Variants in DDX6 observed in about 807,000 individuals in gnomAD.
DDX6 encodes DEAD-box helicase 6.
In DDX6, 7 loss-of-function variants were observed where a neutral mutation model predicts 60.6. The ratio of observed to expected loss-of-function variants is 0.12; its 90% CI spans 0.07 to 0.22. The LOEUF (loss-of-function observed/expected upper bound fraction) is 0.22, where lower values mean the gene tolerates loss of function less well. Ranked by LOEUF, DDX6 falls within the 10% of genes least tolerant of loss-of-function variation. The probability of loss-of-function intolerance (pLI) is 1.00; values close to 1 mark genes in which losing one functional copy is unlikely to be tolerated. For missense variants in DDX6, 270 were observed against 589.9 expected (o/e 0.46, Z 5.62); for synonymous variants, 207 against 201.0 (o/e 1.03, Z -0.25).
chr11:118,789,360 G>A (rs751202346), intron 1 of DDX6: 1 of 152,060 alleles, frequency 6.6e-6, no homozygotes, highest in African/African-American at 2.4e-5. Context: ...TTACAGGTGT[G>A]AGCCACCGCT....
intron 2 of DDX6, 149 bp from the exon 3 acceptor site, chr11:118,781,333 G>A: frequency 1.7e-6 from 1 of 578,252 alleles, no homozygotes; most frequent in Non-Finnish European, 3.0e-6. Flanking sequence ...AACAACTTTA[G>A]AAAAAGTGTT....
chr11:118,754,212 T>C (rs144879537), intron 13 of DDX6, among the ~76,000 whole-genome samples: 3 of 152,354 alleles, frequency 2.0e-5, no homozygotes, highest in African/African-American at 7.2e-5. Context: ...GGAGGACTGC[T>C]GGAGTTCAGG....
chr11:118,770,522 C>T (rs1861501712), intron 4 of DDX6, among the ~76,000 whole-genome samples: 1 of 152,154 alleles, frequency 6.6e-6, no homozygotes, highest in African/African-American at 2.4e-5. Context: ...ACTCTTTCTA[C>T]CTAGAGCTCC....
At chr11:118,790,654 C>G (rs1862241641) in intron 1 of DDX6, among the ~76,000 whole-genome samples, 1 of 152,162 alleles carries the variant, frequency 6.6e-6, no homozygotes, top group South Asian at 2.1e-4. Context: ...AGTACTTAGC[C>G]TGTTCCTCCT....
chr11:118,748,390 C>G lies in DDX6; in HGVS notation c.*3715G>C, dbSNP rs1204976892. On this transcript the variant is annotated 3_prime_UTR_variant, in exon 14 of 14. Transcript: ENST00000534980. ...TTCTTTGGGAGTTTTAAAAAACTAT[C>G]TTTAGATTTAGAGATACAAAGTACA... 6.6e-6 allele frequency: 1 copy of G among 152,110 alleles called. No individual in the cohort carries two copies. Among genetic ancestry groups the G allele is most frequent in the Non-Finnish European group, 1.5e-5 (1 of 68,014 alleles). The allele number at this position is 152,110 out of a possible 1,614,324, so 9.4% of individuals were successfully genotyped here. A position where few individuals can be genotyped will look rare whatever the true frequency, so the allele number is the denominator to read the frequency against.
At chr11:118,764,583 T>C (rs1193951575) in intron 6 of DDX6, among the ~76,000 whole-genome samples, 1 of 152,044 alleles carries the variant, frequency 6.6e-6, no homozygotes, top group Non-Finnish European at 1.5e-5. Context: ...GGCAGGTGGA[T>C]CACGAGGTCA....
intron 4 of DDX6, among the ~76,000 whole-genome samples, chr11:118,771,068 G>A (rs1341466475): frequency 6.6e-6 from 1 of 152,080 alleles, no homozygotes; most frequent in African/African-American, 2.4e-5. Context: ...TTGTTCCAGA[G>A]GCTCCCATTA....
intron 7 of DDX6, 147 bp from the exon 8 acceptor site, chr11:118,760,191 C>A (rs1283669248): frequency 2.6e-6 from 2 of 783,914 alleles, no homozygotes; most frequent in Non-Finnish European, 3.8e-6. Flanking sequence ...TCCAACACTG[C>A]AGAGAGTCAA....
chr11:118,776,134 C>G (rs1427984324), intron 4 of DDX6, among the ~76,000 whole-genome samples: 5 of 152,302 alleles, frequency 3.3e-5, no homozygotes, highest in Middle Eastern at 3.4e-3. Context: ...CTTAGCAAGA[C>G]TCAGTCTCTT....
chr11:118,790,439 A>G (rs1173689329), intron 1 of DDX6: 1 of 152,142 alleles, frequency 6.6e-6, no homozygotes, highest in Middle Eastern at 3.2e-3. Context: ...CGGGGGCTCC[A>G]TAAATACCCT....
rs772644494 is a variant in DDX6, at chr11:118,786,109, G to A, written c.143C>T (p.Thr48Ile). The change falls in exon 2 of 14, where the codon ACC becomes ATC. Residue 48 changes from threonine (T) to isoleucine (I), a missense_variant. Physicochemically the swap from Thr to Ile is moderately conservative, Grantham distance 89 (BLOSUM62 -1). This residue lies in a region of DDX6 where 102 missense variants were observed against 110.5 expected (regional missense o/e 0.92). Coordinates refer to ENST00000534980, the MANE Select transcript of DDX6 (RefSeq NM_004397.6). ...TQQQMNQLKN[T>I]NTINNGTQQQ... ...CTGAGTGCCATTATTGATTGTGTTGGTGTTTTTCAGCTGGTTCATCTGTTG... is the reference window on the plus strand; with the variant it reads ...CTGAGTGCCATTATTGATTGTGTTGATGTTTTTCAGCTGGTTCATCTGTTG... 6.2e-7 allele frequency: 1 copy of A among 1,613,966 alleles called. No individual in the cohort carries two copies. The highest frequency in any genetic ancestry group is 2.2e-5 in the East Asian group (1 of 44,882).
intron 4 of DDX6, among the ~76,000 whole-genome samples, chr11:118,769,134 T>A (rs1861451737): frequency 6.6e-6 from 1 of 151,556 alleles, no homozygotes; most frequent in African/African-American, 2.4e-5. Flanking sequence ...TCTACAAAAA[T>A]TTTTAAAGGA....
At chr11:118,782,152 T>C (rs1483451525) in intron 2 of DDX6, among the ~76,000 whole-genome samples, 1 of 152,116 alleles carries the variant, frequency 6.6e-6, no homozygotes, top group African/African-American at 2.4e-5. Flanking sequence ...GCCAAGATCC[T>C]GCGCCAGAGC....
intron 1 of DDX6, chr11:118,790,720 C>A (rs1404285456): frequency 6.5e-6 from 1 of 153,088 alleles, no homozygotes; most frequent in Non-Finnish European, 1.5e-5. Flanking sequence ...GCGCTCCCAC[C>A]CCACACAGCT....
intron 13 of DDX6, among the ~76,000 whole-genome samples, chr11:118,752,420 GT>G (rs1173113982): frequency 3.3e-5 from 5 of 152,134 alleles, no homozygotes; most frequent in Admixed American, 3.3e-4. Flanking sequence ...TTGTCCAAGA[GT>G]TTGTGTTTGA....
chr11:118,766,138 G>A (rs1861347181), intron 5 of DDX6, among the ~76,000 whole-genome samples: 1 of 151,760 alleles, frequency 6.6e-6, no homozygotes, highest in African/African-American at 2.4e-5. Context: ...TAAAAAATTG[G>A]GCTGGGCAGC....
At chr11:118,760,589 G>A (rs912601585) in intron 7 of DDX6, among the ~76,000 whole-genome samples, 8 of 147,372 alleles carry the variant, frequency 5.4e-5, no homozygotes, top group African/African-American at 1.5e-4. Context: ...TTGGGAGGCC[G>A]AGGCGGGAGA....
intron 3 of DDX6, among the ~76,000 whole-genome samples, 185 bp downstream of exon 3, chr11:118,780,936 A>G (rs1190158213): frequency 2.0e-5 from 3 of 152,194 alleles, no homozygotes; most frequent in East Asian, 3.8e-4. Context: ...CTAACTGCTG[A>G]GCATTTGTTT....
At chr11:118,763,815 C>A in intron 6 of DDX6, among the ~76,000 whole-genome samples, 2 of 131,422 alleles carry the variant, frequency 1.5e-5, no homozygotes, top group African/African-American at 2.9e-5. Context: ...GCCAGAGCAA[C>A]AGAGTAAGAC....
Sources: gnomAD v4.1 joint callset for allele counts (sites outside exome capture counted in the v4.1 genomes callset) on GRCh38, gnomAD v4.1.1 for gene constraint, gnomAD v4.1.1 regional missense constraint, MANE v1.5 for transcripts, NCBI Gene and HGNC (gene_info 2026-07-23, HGNC 2026-07-21) for gene names.